DCTN1: variants seen among roughly 807,000 people sequenced by gnomAD.
DCTN1 encodes the protein 150 kDa dynein-associated polypeptide.
A neutral mutation model predicts 161.2 loss-of-function variants in DCTN1; 61 were observed. The ratio of observed to expected loss-of-function variants is 0.38; its 90% confidence interval spans 0.31 to 0.47. DCTN1 has a LOEUF of 0.47. Among genes scored for constraint, DCTN1 ranks in the 20% least tolerant of loss-of-function variants. DCTN1 has a pLI of 0.99. For missense variants in DCTN1, 1,404 were observed against 1,623.7 expected (o/e 0.86, Z 2.33); for synonymous variants, 653 against 632.4 (o/e 1.03, Z -0.49).
intron 8 of DCTN1, 73 bp from the exon 9 acceptor site, chr2:74,371,249 A>G: frequency 6.2e-7 from 1 of 1,606,690 alleles, no homozygotes. Context: ...TGGCGCAAAG[A>G]ACACAAGAAA....
upstream of DCTN1, among the ~76,000 whole-genome samples, chr2:74,381,371 A>T (rs914688935): frequency 3.9e-5 from 6 of 152,058 alleles, no homozygotes; most frequent in Admixed American, 1.3e-4. Context: ...CAGTGACTTT[A>T]CCCCGCTCTA....
chr2:74,375,533 G>A (rs549327002), intron 5 of DCTN1, among the ~76,000 whole-genome samples: 3 of 152,204 alleles, frequency 2.0e-5, no homozygotes, highest in African/African-American at 7.2e-5. Flanking sequence ...AGCTGCCAAA[G>A]CCCCTGGATT....
chr2:74,379,682 G>A (rs1675420178), intron 1 of DCTN1, among the ~76,000 whole-genome samples: 1 of 152,182 alleles, frequency 6.6e-6, no homozygotes, highest in African/African-American at 2.4e-5. Context: ...TCTTAAGAAA[G>A]GCTTCACTGT....
chr2:74,364,957 C>A, intron 26 of DCTN1, 118 bp downstream of exon 26: 1 of 1,282,700 alleles, frequency 7.8e-7, no homozygotes, highest in East Asian at 2.4e-5. Flanking sequence ...ACTGTGTAAG[C>A]ATGTTCCTGG....
At chr2:74,378,385 G>A in intron 1 of DCTN1, 140 bp from the exon 2 acceptor site, 1 of 1,054,562 alleles carries the variant, frequency 9.5e-7, no homozygotes, top group Non-Finnish European at 1.4e-6. Context: ...ACAGAATTGG[G>A]TGGACCCCCA....
chr2:74,365,759 A>C, intron 24 of DCTN1, 102 bp from the exon 25 acceptor site: 1 of 1,610,744 alleles, frequency 6.2e-7, no homozygotes, highest in Non-Finnish European at 8.5e-7. Context: ...GGCTCACCAC[A>C]GCTCCCATTG....
chr2:74,364,066 C>A, intron 26 of DCTN1: 1 of 213,482 alleles, frequency 4.7e-6, no homozygotes, highest in Non-Finnish European at 9.6e-6. Flanking sequence ...AAGGATTCCC[C>A]ATTGCTCTGA....
At chr2:74,378,304 A>G (rs896091827) in intron 1 of DCTN1, 59 bp from the exon 2 acceptor site, 4 of 1,591,874 alleles carry the variant, frequency 2.5e-6, no homozygotes, top group Non-Finnish European at 3.4e-6. Flanking sequence ...TGGCATTCTT[A>G]TGTATAAGAA....
chr2:74,385,057 T>TGC (rs1675669645), upstream of DCTN1: 1 of 152,214 alleles, frequency 6.6e-6, no homozygotes, highest in Admixed American at 6.5e-5. Flanking sequence ...ACTCAGTATC[T>TGC]GCCTTGCGGA....
chr2:74,379,040 T>C (rs1398966329), intron 1 of DCTN1: 1 of 152,798 alleles, frequency 6.5e-6, no homozygotes, highest in Non-Finnish European at 1.5e-5. Flanking sequence ...CCCAAGACTC[T>C]GCTCAGTGGT....
chr2:74,366,689 C>G (rs1674439161), intron 21 of DCTN1, 69 bp from the exon 22 acceptor site: 2 of 1,614,034 alleles, frequency 1.2e-6, no homozygotes, highest in Admixed American at 3.3e-5. Context: ...ACCCCAAAAC[C>G]ATTTTTGTCC....
intron 23 of DCTN1, 103 bp downstream of exon 23, chr2:74,366,141 A>G (rs1281122213): frequency 1.7e-5 from 27 of 1,610,370 alleles, no homozygotes; most frequent in South Asian, 4.4e-5. Flanking sequence ...GGTGCTCTCC[A>G]GATGCCTTCC....
In DCTN1 at chr2:74,366,270, A is replaced by T. The variant is rs1474123016; in HGVS notation, c.2734T>A (p.Tyr912Asn). Residue 912 changes from tyrosine to asparagine, a missense_variant, in exon 23 of 32, where the codon TAT (tyrosine) becomes AAT (asparagine). Around this residue, in one of 9 missense-constraint regions of DCTN1, gnomAD observed 475 missense variants for 489.8 expected, o/e 0.97. Coordinates refer to ENST00000628224, the MANE Select transcript of DCTN1 (RefSeq NM_004082.5). ...KLATAMQEGE[Y>N]DAERPPSKPP... ...TTGCTGGGGGGCCGCTCTGCATCAT[A>T]CTCCCCCTCCTGCATGGCTGTGGCC... The T allele has an allele frequency of 6.2e-7, 1 of 1,613,388 alleles. No individual in the cohort carries two copies. The highest frequency in any genetic ancestry group is 8.5e-7 in the Non-Finnish European group (1 of 1,179,902).
chr2:74,376,055 G>A (rs1428653863), intron 5 of DCTN1, among the ~76,000 whole-genome samples: 1 of 152,180 alleles, frequency 6.6e-6, no homozygotes, highest in Non-Finnish European at 1.5e-5. Context: ...GGTCATGGCA[G>A]TGATCTAAGA....
chr2:74,380,267 C>T lies in DCTN1; in HGVS notation c.-230G>A. On this transcript the variant is annotated 5_prime_UTR_variant, in exon 1 of 32. Transcript: ENST00000628224. ...CCTCTGCTGCCTGAGGATTCCTGAA[C>T]CCAGAGACACAGAATCCTGCTTGCC... 1 of 623,574 alleles carries T rather than the reference C, an allele frequency of 1.6e-6. No individual in the cohort carries two copies. Among genetic ancestry groups the T allele is most frequent in the East Asian group, 2.8e-5 (1 of 35,372 alleles). The allele number at this position is 623,574 out of a possible 1,614,324, so 38.6% of individuals were successfully genotyped here.
At chr2:74,384,652 T>C (rs1675652258), upstream of DCTN1, among the ~76,000 whole-genome samples, 1 of 152,220 alleles carries the variant, frequency 6.6e-6, no homozygotes, top group Non-Finnish European at 1.5e-5. Flanking sequence ...AAAAGCCTCT[T>C]TTCCACCTCT....
chr2:74,361,662 C>T, intron 31 of DCTN1, 26 bp from the exon 32 acceptor site: 2 of 1,614,100 alleles, frequency 1.2e-6, no homozygotes, highest in Non-Finnish European at 1.7e-6. Context: ...GAGAAAAAGA[C>T]TCCAGGTCAG....
At chr2:74,385,593 C>T (rs1052207407) in intron 1 of DCTN1, 3 of 152,246 alleles carry the variant, frequency 2.0e-5, no homozygotes, top group African/African-American at 7.2e-5. Context: ...GGCCACTCCC[C>T]AAAAGCAGAG....
chr2:74,361,918 A>G, intron 31 of DCTN1, 134 bp downstream of exon 31: 2 of 966,436 alleles, frequency 2.1e-6, no homozygotes, highest in Non-Finnish European at 3.2e-6. Context: ...CTTGTAAGTA[A>G]AATTTGGCCA....
Sources: gnomAD v4.1 joint callset for allele counts (sites outside exome capture counted in the v4.1 genomes callset) on GRCh38, gnomAD v4.1.1 for gene constraint, gnomAD v4.1.1 regional missense constraint, MANE v1.5 for transcripts, NCBI Gene and HGNC (gene_info 2026-07-23, HGNC 2026-07-21) for gene names.